The following L3MBTL4 variants were observed in gnomAD, a reference collection of about 807,000 sequenced individuals.
L3MBTL4 encodes the protein L3MBTL histone methyl-lysine binding protein 4.
L3MBTL4 carries 70 observed loss-of-function variants against 84.5 expected under a neutral mutation model. The observed-to-expected ratio is 0.83, with a 90% CI of 0.68 to 1.01. The LOEUF (loss-of-function observed/expected upper bound fraction) is 1.01, where lower values mean the gene tolerates loss of function less well. L3MBTL4 is among the 50% of genes least tolerant of loss of function. The pLI is 0.00. For synonymous variants in L3MBTL4, 274 were observed against 259.8 expected (o/e 1.05, Z -0.52); for missense variants, 715 against 754.8 (o/e 0.95, Z 0.62).
At chr18:6,191,090 C>T (rs968181868) in intron 12 of L3MBTL4, among the ~76,000 whole-genome samples, 6 of 152,026 alleles carry the variant, frequency 3.9e-5, no homozygotes, top group Admixed American at 2.0e-4. Flanking sequence ...GAGGATTTTG[C>T]GTAAAGGCAC....
chr18:6,386,291 G>A (rs945866151), intron 1 of L3MBTL4, among the ~76,000 whole-genome samples: 13 of 152,200 alleles, frequency 8.5e-5, no homozygotes, highest in Admixed American at 4.6e-4. Context: ...AAGAGCATAG[G>A]CCTTGGTGCA....
chr18:6,238,146 A>C (rs749642099), intron 9 of L3MBTL4, 106 bp from the exon 10 acceptor site: 30 of 972,418 alleles, frequency 3.1e-5, no homozygotes, highest in Non-Finnish European at 4.5e-5. Flanking sequence ...AGAAAACAGT[A>C]CTTCATAGCT....
At chr18:6,219,419 T>A (rs1769422227) in intron 10 of L3MBTL4, among the ~76,000 whole-genome samples, 1 of 149,788 alleles carries the variant, frequency 6.7e-6, no homozygotes, top group African/African-American at 2.4e-5. Flanking sequence ...CCCACCTCAT[T>A]CCATGCCATT....
intron 16 of L3MBTL4, among the ~76,000 whole-genome samples, chr18:6,035,709 G>T (rs2056098513): frequency 6.6e-6 from 1 of 152,070 alleles, no homozygotes; most frequent in East Asian, 1.9e-4. Context: ...GCTTGATGGG[G>T]ATGGCATTGA....
chr18:6,046,636 C>T, intron 16 of L3MBTL4: 2 of 662,122 alleles, frequency 3.0e-6, no homozygotes, highest in South Asian at 1.8e-5. Flanking sequence ...AATTAGAAAA[C>T]TTGCACCTGA....
intron 1 of L3MBTL4, among the ~76,000 whole-genome samples, chr18:6,355,888 T>A (rs1356109834): frequency 2.0e-5 from 3 of 151,134 alleles, no homozygotes; most frequent in Non-Finnish European, 4.4e-5. Flanking sequence ...GCTAGTACCA[T>A]GTGCACGATA....
intron 6 of L3MBTL4, 124 bp downstream of exon 6, chr18:6,244,360 C>T (rs1674588506): frequency 1.7e-6 from 1 of 575,460 alleles, no homozygotes; most frequent in Non-Finnish European, 3.0e-6. Flanking sequence ...CCATCGCTGA[C>T]TAAAATAAAT....
At chr18:6,065,864 C>T (rs905095515) in intron 16 of L3MBTL4, among the ~76,000 whole-genome samples, 2 of 151,854 alleles carry the variant, frequency 1.3e-5, no homozygotes, top group South Asian at 2.1e-4. Context: ...TTTAGTTCTG[C>T]TCTGATCTTT....
At chr18:6,348,529 A>G (rs188605490) in intron 1 of L3MBTL4, among the ~76,000 whole-genome samples, 2 of 152,300 alleles carry the variant, frequency 1.3e-5, no homozygotes, top group East Asian at 1.9e-4. Flanking sequence ...ACTGGGGCCA[A>G]TATAACCCAT....
intron 5 of L3MBTL4, chr18:6,259,548 T>A (rs912344130): frequency 2.0e-5 from 3 of 152,268 alleles, no homozygotes; most frequent in African/African-American, 7.2e-5. Flanking sequence ...CTTTTGCCCA[T>A]TTTTTATTTT....
chr18:5,970,422 G>A (rs960340796), intron 16 of L3MBTL4, among the ~76,000 whole-genome samples: 43 of 152,130 alleles, frequency 2.8e-4, no homozygotes, highest in Admixed American at 2.2e-3. Flanking sequence ...GTCTTCAAAA[G>A]TGACTTTAAT....
intron 4 of L3MBTL4, among the ~76,000 whole-genome samples, chr18:6,295,346 C>CTATA (rs71163269): frequency 0.022 from 1,810 of 81,234 alleles, 55 homozygotes; most frequent in Middle Eastern, 0.031. Flanking sequence ...CTCTCTCTCT[C>CTATA]TATATATATA....
chr18:6,168,408 C>T (rs1374562903), intron 13 of L3MBTL4, among the ~76,000 whole-genome samples: 1 of 151,706 alleles, frequency 6.6e-6, no homozygotes, highest in Non-Finnish European at 1.5e-5. Context: ...GGAGGCATCA[C>T]ACTACCTGAC....
intron 16 of L3MBTL4, among the ~76,000 whole-genome samples, chr18:6,042,137 A>C (rs890676611): frequency 2.0e-5 from 3 of 152,164 alleles, no homozygotes; most frequent in Non-Finnish European, 4.4e-5. Context: ...TTACAGAGAA[A>C]ATAGAAGCCA....
At chr18:6,341,015 A>G (rs539910107) in intron 1 of L3MBTL4, among the ~76,000 whole-genome samples, 2 of 152,108 alleles carry the variant, frequency 1.3e-5, no homozygotes, top group African/African-American at 2.4e-5. Context: ...CTCCTGTAAG[A>G]AGGAACAAGA....
At chr18:6,274,492 C>G (rs1368329075) in intron 4 of L3MBTL4, among the ~76,000 whole-genome samples, 1 of 152,178 alleles carries the variant, frequency 6.6e-6, no homozygotes, top group African/African-American at 2.4e-5. Context: ...ATTACTTGAG[C>G]AAGCTTGAGT....
At chr18:6,079,769 G>A (rs2058005951) in intron 16 of L3MBTL4, among the ~76,000 whole-genome samples, 1 of 152,128 alleles carries the variant, frequency 6.6e-6, no homozygotes, top group Non-Finnish European at 1.5e-5. Flanking sequence ...TGAAGGCTTG[G>A]TAAGATGGAT....
intron 16 of L3MBTL4, among the ~76,000 whole-genome samples, chr18:6,005,014 T>C (rs1264126586): frequency 7.3e-6 from 1 of 136,154 alleles, no homozygotes; most frequent in East Asian, 2.1e-4. Context: ...TTTTTTTTTT[T>C]TTTTTTTTTT....
intron 16 of L3MBTL4, among the ~76,000 whole-genome samples, chr18:6,037,877 T>C (rs890122842): frequency 2.0e-5 from 3 of 152,186 alleles, no homozygotes; most frequent in Non-Finnish European, 4.4e-5. Context: ...GGCTAATGTA[T>C]TAAAGTGCTG....
Sources: allele counts gnomAD v4.1 joint callset (sites outside exome capture counted in the v4.1 genomes callset), GRCh38; gene constraint gnomAD v4.1.1; transcripts MANE v1.5; gene names NCBI Gene and HGNC (gene_info 2026-07-23, HGNC 2026-07-21).